The following FAM83F variants were observed in gnomAD, a reference collection of about 807,000 sequenced individuals.
The protein encoded by FAM83F is scaffolding CK1 anchoring protein F.
A neutral mutation model predicts 42.9 loss-of-function variants in FAM83F; 45 were observed. The ratio of observed to expected loss-of-function variants is 1.05; its 90% CI spans 0.83 to 1.35. FAM83F has a LOEUF of 1.35. FAM83F is among the 40% of genes most tolerant of loss of function. The pLI is 0.00. For missense variants in FAM83F, 617 were observed against 695.9 expected, an observed-to-expected ratio of 0.89 and a Z score of 1.28; for synonymous variants, 306 against 298.3, an observed-to-expected ratio of 1.03 and a Z score of -0.27.
chr22:39,995,651 C>T lies in FAM83F; in HGVS notation c.489+120C>T. On this transcript the variant is annotated intron_variant, in intron 1 of 4. Coordinates refer to ENST00000333407, the MANE Select transcript of FAM83F (RefSeq NM_138435.4). This position sits in a 1 kb window ranked among gnomAD's most constrained non-coding sequence, Gnocchi z 4.6. ...CCTGAGCACCCTCTGGAAAATGGGCCCCAACCCGCCCCTACTTCCTGGGGC... is the reference window on the plus strand; with the variant it reads ...CCTGAGCACCCTCTGGAAAATGGGCTCCAACCCGCCCCTACTTCCTGGGGC... 1 of 1,404,656 alleles carries T rather than the reference C, an allele frequency of 7.1e-7. No homozygotes were observed. Among genetic ancestry groups the T allele is most frequent in the Non-Finnish European group, 9.3e-7 (1 of 1,071,122 alleles). 87.0% of individuals were successfully genotyped at this position (1,404,656 alleles called of 1,614,324 possible).
At position 40,031,102 on chromosome 22, in the gene FAM83F, A is replaced by G. The variant is rs539197431; in HGVS notation, c.*1537A>G. 6.6e-6 allele frequency: 1 copy of G among 152,248 alleles called. No homozygotes were observed. Among genetic ancestry groups the G allele is most frequent in the Non-Finnish European group, 1.5e-5 (1 of 68,092 alleles). 9.4% of individuals were successfully genotyped at this position (152,248 alleles called of 1,614,324 possible). A position where few individuals can be genotyped will look rare whatever the true frequency, so the allele number is the denominator to read the frequency against. ...CCCCAGGGTCTTCTCTGTTAATCCC[A>G]AGGCTGGCTTCTAGGGCGTGTGGAG... On this transcript the variant is annotated 3_prime_UTR_variant, in exon 5 of 5. Transcript: ENST00000333407.
intron 1 of FAM83F, among the ~76,000 whole-genome samples, chr22:39,996,437 A>T (rs2067373792): frequency 6.6e-6 from 1 of 152,254 alleles, no homozygotes; most frequent in African/African-American, 2.4e-5. Context: ...ACTGATACTG[A>T]AAAATTCTTC....
rs1300701286 is a variant in FAM83F, at chr22:40,042,415, C to A, written c.*12850C>A. 1 of 152,230 alleles carries A rather than the reference C, an allele frequency of 6.6e-6. No homozygotes were observed. Among genetic ancestry groups the A allele is most frequent in the Non-Finnish European group, 1.5e-5 (1 of 68,058 alleles). 9.4% of individuals were successfully genotyped at this position (152,230 alleles called of 1,614,324 possible). A position where few individuals can be genotyped will look rare whatever the true frequency, so the allele number is the denominator to read the frequency against. ...GCAAATGTCGTAGGTCACCACACAT[C>A]ACCAGTCTCTTGCCTAGCTAACCGT... is the stretch of plus-strand genomic sequence containing the variant. On this transcript the variant is annotated 3_prime_UTR_variant, in exon 5 of 5. Transcript: ENST00000333407.
intron 4 of FAM83F, among the ~76,000 whole-genome samples, chr22:40,024,279 A>G (rs1302440584): frequency 6.6e-6 from 1 of 152,120 alleles, no homozygotes; most frequent in Admixed American, 6.5e-5. Flanking sequence ...TTATAGGCAC[A>G]AGCCACCGCG....
intron 4 of FAM83F, among the ~76,000 whole-genome samples, chr22:40,025,187 A>G (rs960919627): frequency 2.6e-5 from 4 of 152,148 alleles, no homozygotes; most frequent in African/African-American, 9.7e-5. Flanking sequence ...TGGGAGGCTG[A>G]GCTGGGAAGA....
chr22:40,039,947 T>C lies in FAM83F; in HGVS notation c.*10382T>C, dbSNP rs1217461542. ...TTCAGAGAGAGAAAACGAGAGAGCATTCCTGGTGGTGGAGATGGCCGCAGG... is the reference window on the plus strand; with the variant it reads ...TTCAGAGAGAGAAAACGAGAGAGCACTCCTGGTGGTGGAGATGGCCGCAGG... On this transcript the variant is annotated 3_prime_UTR_variant, in exon 5 of 5. Coordinates refer to ENST00000333407, the MANE Select transcript of FAM83F (RefSeq NM_138435.4). The C allele has an allele frequency of 6.6e-6, 1 of 152,240 alleles. No homozygotes were observed. Among genetic ancestry groups the C allele is most frequent in the African/African-American group, 2.4e-5 (1 of 41,462 alleles). 9.4% of individuals were successfully genotyped at this position (152,240 alleles called of 1,614,324 possible). A position where few individuals can be genotyped will look rare whatever the true frequency, so the allele number is the denominator to read the frequency against.
chr22:40,022,939 TC>T (rs2145721304), intron 4 of FAM83F, among the ~76,000 whole-genome samples: 1 of 152,308 alleles, frequency 6.6e-6, no homozygotes, highest in East Asian at 1.9e-4. Flanking sequence ...ACAAGTGTCA[TC>T]CCCTCTGCTA....
intron 3 of FAM83F, among the ~76,000 whole-genome samples, chr22:40,020,675 T>C (rs962671383): frequency 6.6e-6 from 1 of 152,134 alleles, no homozygotes; most frequent in Non-Finnish European, 1.5e-5. Flanking sequence ...GATTTTAAAA[T>C]AATTTAGCAG....
Position 40,029,620 on chromosome 22 carries a change from C to T in FAM83F, c.*55C>T, listed in dbSNP as rs1182069229. On this transcript the variant is annotated 3_prime_UTR_variant, in exon 5 of 5. Coordinates refer to ENST00000333407, the MANE Select transcript of FAM83F (RefSeq NM_138435.4). Reference sequence around the variant, plus strand: ...GGATGCCTGCCTGCCCTGCCCTGTGCTGTGGAGAGCGCAGGTCGCACACTG... The same window carrying T: ...GGATGCCTGCCTGCCCTGCCCTGTGTTGTGGAGAGCGCAGGTCGCACACTG... 3 of 1,588,726 alleles carry T rather than the reference C, an allele frequency of 1.9e-6. No homozygotes were observed. The highest frequency in any genetic ancestry group is 2.6e-6 in the Non-Finnish European group (3 of 1,166,960).
intron 1 of FAM83F, among the ~76,000 whole-genome samples, chr22:40,001,811 A>G (rs150831536): frequency 6.6e-6 from 1 of 152,302 alleles, no homozygotes; most frequent in East Asian, 1.9e-4. Context: ...AGAGGAGGGA[A>G]GGGTGGCCAA....
At chr22:40,026,521 A>AAAAAC (rs58372901) in intron 4 of FAM83F, among the ~76,000 whole-genome samples, 5 of 152,122 alleles carry the variant, frequency 3.3e-5, no homozygotes, top group South Asian at 4.1e-4. Context: ...ATCTGTCTCA[A>AAAAAC]AAAACAAAAC....
chr22:39,996,009 C>T (rs779208171), intron 1 of FAM83F, among the ~76,000 whole-genome samples: 1 of 152,220 alleles, frequency 6.6e-6, no homozygotes, highest in Non-Finnish European at 1.5e-5. Flanking sequence ...TGGACCACCC[C>T]TCTCCTCCCA....
chr22:40,029,493 G>A (rs369190230), intron 4 of FAM83F, 23 bp from the exon 5 acceptor site: 185 of 1,606,816 alleles, frequency 1.2e-4, no homozygotes, highest in Admixed American at 7.4e-4. Flanking sequence ...ATCCTTCCCC[G>A]CCTCTGTCCC....
chr22:40,010,853 A>G (rs1459298611), intron 1 of FAM83F, among the ~76,000 whole-genome samples: 3 of 152,164 alleles, frequency 2.0e-5, no homozygotes, highest in South Asian at 2.1e-4. Flanking sequence ...AACTCTGTAC[A>G]TTGTGTTCAA....
intron 1 of FAM83F, among the ~76,000 whole-genome samples, chr22:40,018,284 T>G (rs2067501859): frequency 6.6e-6 from 1 of 152,182 alleles, no homozygotes; most frequent in African/African-American, 2.4e-5. Context: ...CCAGGCCTGC[T>G]GAGAAAGTGA....
chr22:40,003,624 C>A (rs2067412850), intron 1 of FAM83F, among the ~76,000 whole-genome samples: 1 of 152,184 alleles, frequency 6.6e-6, no homozygotes, highest in African/African-American at 2.4e-5. Context: ...CACACCATGC[C>A]AGGTGCCATG....
At position 40,023,812 on chromosome 22, in the gene FAM83F, G is replaced by A. The variant is rs2899333; in HGVS notation, c.1453+1849G>A. On this transcript the variant is annotated intron_variant, in intron 4 of 4. Coordinates refer to ENST00000333407, the MANE Select transcript of FAM83F (RefSeq NM_138435.4). The surrounding 1 kb of genome is among the most constrained non-coding windows in gnomAD (Gnocchi z 4.1). ...GAGGGAATAGTGAGGGCGAGGGCAC[G>A]GACAGCCAGGAAGGTCCGGGGATGC... Among the ~76,000 whole-genome samples the A allele has an allele frequency of 0.27, 41,143 of 152,000 alleles. 5,801 individuals carry two copies. The highest frequency in any genetic ancestry group is 0.39 in the South Asian group (1,860 of 4,810).
At chr22:40,003,726 A>G (rs932253452) in intron 1 of FAM83F, among the ~76,000 whole-genome samples, 3 of 152,044 alleles carry the variant, frequency 2.0e-5, no homozygotes, top group Admixed American at 6.5e-5. Context: ...TGATCCCATA[A>G]TCTTAGCCCT....
intron 1 of FAM83F, among the ~76,000 whole-genome samples, chr22:40,013,707 T>C (rs781022219): frequency 6.6e-6 from 1 of 152,210 alleles, no homozygotes; most frequent in Non-Finnish European, 1.5e-5. Context: ...TGGAATTGCA[T>C]TGAATTTTAT....
Sources: allele counts gnomAD v4.1 joint callset (sites outside exome capture counted in the v4.1 genomes callset), GRCh38; gene constraint gnomAD v4.1.1; non-coding constraint Gnocchi (gnomAD v3.1); transcripts MANE v1.5; gene names NCBI Gene and HGNC (gene_info 2026-07-23, HGNC 2026-07-21).